The following SDHAF4 variants were observed in gnomAD, a reference collection of about 807,000 sequenced individuals.
SDHAF4 encodes the protein succinate dehydrogenase assembly factor 4, mitochondrial.
In SDHAF4, 14 loss-of-function variants were observed where a neutral mutation model predicts 14.3. The observed-to-expected ratio is 0.98, with a 90% CI of 0.65 to 1.53. The LOEUF is 1.53. SDHAF4 is among the 40% of genes most tolerant of loss of function. SDHAF4 has a pLI of 0.00. For synonymous variants in SDHAF4, 63 were observed against 47.3 expected (o/e 1.33, Z -1.36); for missense variants, 141 against 129.3 (o/e 1.09, Z -0.44).
intron 2 of SDHAF4, among the ~76,000 whole-genome samples, chr6:70,580,915 C>G (rs887319055): frequency 6.6e-6 from 1 of 151,844 alleles, no homozygotes; most frequent in African/African-American, 2.4e-5. Flanking sequence ...GTTGTACAAC[C>G]TTGTGAATAT....
intron 2 of SDHAF4, among the ~76,000 whole-genome samples, chr6:70,580,176 C>T (rs953861534): frequency 4.6e-5 from 7 of 151,938 alleles, no homozygotes; most frequent in Admixed American, 6.6e-5. Flanking sequence ...GACATTTCTC[C>T]AGAGAAGGTA....
intron 1 of SDHAF4, among the ~76,000 whole-genome samples, chr6:70,578,357 G>A (rs1176025588): frequency 6.6e-6 from 1 of 152,058 alleles, no homozygotes; most frequent in African/African-American, 2.4e-5. Context: ...ATGTTTGTTG[G>A]CCGCTTATAT....
chr6:70,568,276 C>CAT lies in SDHAF4; in HGVS notation c.64+1283_64+1284dup, dbSNP rs977705436. Among the ~76,000 whole-genome samples the CAT allele has an allele frequency of 9.6e-4, 146 of 151,596 alleles. 2 individuals carry two copies. Among genetic ancestry groups the CAT allele is most frequent in the East Asian group, 3.9e-4 (2 of 5,160 alleles). On this transcript the variant is annotated intron_variant, in intron 1 of 2. Transcript: ENST00000370474. The stretch of plus-strand genomic sequence containing the variant: ...AGTTTTAAACAATTATGAATTATTC[C>CAT]ATATATATATATGTATACACACACA...
the SDHAF4 span, among the ~76,000 whole-genome samples, chr6:70,595,698 C>CAAAT: frequency 1.3e-5 from 2 of 151,850 alleles, no homozygotes; most frequent in Admixed American, 1.3e-4. Context: ...TAGCTGGGCG[C>CAAAT]GGTGGCGCAC....
Position 70,568,081 on chromosome 6 carries a change from T to G in SDHAF4, c.64+1077T>G, listed in dbSNP as rs113253840. 4.3e-3 allele frequency among the ~76,000 whole-genome samples: 651 copies of G among 152,372 alleles called. 4 individuals carry two copies. The highest frequency in any genetic ancestry group is 0.015 in the African/African-American group (615 of 41,586). ...AATGGTGCCAGATTTCTATGCAATT[T>G]GTTTTCCTTTGTGCAATCATTTTAC... On this transcript the variant is annotated intron_variant, in intron 1 of 2. Transcript: ENST00000370474.
At chr6:70,594,929 T>G in the SDHAF4 span, among the ~76,000 whole-genome samples, 1 of 144,918 alleles carries the variant, frequency 6.9e-6, no homozygotes, top group African/African-American at 2.6e-5. Context: ...AAAAAAAAAA[T>G]CATTTTTTAA....
At chr6:70,580,150 G>T (rs1802303969) in intron 2 of SDHAF4, among the ~76,000 whole-genome samples, 1 of 151,956 alleles carries the variant, frequency 6.6e-6, no homozygotes, top group Non-Finnish European at 1.5e-5. Flanking sequence ...ATAAAAAATA[G>T]CAAAGTATTT....
At chr6:70,567,148 C>T (rs1802108293) in intron 1 of SDHAF4, 144 bp downstream of exon 1, 6 of 814,296 alleles carry the variant, frequency 7.4e-6, no homozygotes, top group Non-Finnish European at 1.1e-5. Context: ...CGCCCAGCCG[C>T]CCACCCGGTG....
At chr6:70,570,225 T>G (rs1057364718) in intron 1 of SDHAF4, among the ~76,000 whole-genome samples, 2 of 152,160 alleles carry the variant, frequency 1.3e-5, no homozygotes, top group African/African-American at 4.8e-5. Flanking sequence ...TGTATCTAAA[T>G]TACCTTATTA....
intron 1 of SDHAF4, among the ~76,000 whole-genome samples, chr6:70,571,578 G>A (rs967060863): frequency 3.3e-5 from 5 of 152,162 alleles, no homozygotes; most frequent in African/African-American, 1.2e-4. Context: ...CTCCCAAAGT[G>A]CTGGCATTAC....
chr6:70,571,517 A>G (rs916222716), intron 1 of SDHAF4, among the ~76,000 whole-genome samples: 1 of 152,066 alleles, frequency 6.6e-6, no homozygotes, highest in South Asian at 2.1e-4. Context: ...GTTTCACCAT[A>G]TTGGCCAGGC....
chr6:70,575,839 C>T (rs1196830851), intron 1 of SDHAF4, among the ~76,000 whole-genome samples: 1 of 152,112 alleles, frequency 6.6e-6, no homozygotes, highest in Non-Finnish European at 1.5e-5. Context: ...TAAAGTCAAA[C>T]CACCCCTTGA....
chr6:70,588,768 A>G lies in SDHAF4; in HGVS notation c.*44A>G, dbSNP rs1562059636. Reference sequence around the variant, plus strand: ...TCAATATTGTTTTCTGAATATGTACATCTGAATTAACTTATTTCTGATTAT... The same window carrying G: ...TCAATATTGTTTTCTGAATATGTACGTCTGAATTAACTTATTTCTGATTAT... On this transcript the variant is annotated 3_prime_UTR_variant, in exon 3 of 3. Coordinates refer to ENST00000370474, the MANE Select transcript of SDHAF4 (RefSeq NM_145267.3). The G allele has an allele frequency of 9.2e-7, 1 of 1,091,278 alleles. No homozygotes were observed. Among genetic ancestry groups the G allele is most frequent in the Non-Finnish European group, 1.4e-6 (1 of 726,938 alleles). The allele number at this position is 1,091,278 out of a possible 1,614,324, so 67.6% of individuals were successfully genotyped here.
intron 1 of SDHAF4, among the ~76,000 whole-genome samples, chr6:70,574,329 GAAA>G (rs113017217): frequency 7.0e-6 from 1 of 143,692 alleles, no homozygotes; most frequent in African/African-American, 2.5e-5. Context: ...CAAAAAAAAA[GAAA>G]AAAAAAAAAG....
intron 2 of SDHAF4, among the ~76,000 whole-genome samples, chr6:70,587,781 G>T (rs540631068): frequency 2.0e-5 from 3 of 152,190 alleles, no homozygotes; most frequent in Non-Finnish European, 4.4e-5. Flanking sequence ...GCTGAGAATT[G>T]AGCCTGGCTT....
chr6:70,569,241 G>A (rs2128533299), intron 1 of SDHAF4, among the ~76,000 whole-genome samples: 1 of 151,900 alleles, frequency 6.6e-6, no homozygotes, highest in Admixed American at 6.6e-5. Flanking sequence ...TGGGATTACA[G>A]GCGTGAGCCA....
At chr6:70,575,696 G>A (rs1453086271) in intron 1 of SDHAF4, among the ~76,000 whole-genome samples, 3 of 148,510 alleles carry the variant, frequency 2.0e-5, no homozygotes, top group Admixed American at 1.3e-4. Flanking sequence ...TGAGTTGTGT[G>A]TTGTTTTTGT....
intron 1 of SDHAF4, among the ~76,000 whole-genome samples, chr6:70,573,320 G>T (rs186739752): frequency 1.4e-3 from 197 of 138,084 alleles, no homozygotes; most frequent in African/African-American, 5.4e-3. Context: ...CTGGAGTGCA[G>T]TGGCACAGTC....
chr6:70,591,520 G>A (rs930838738), downstream of SDHAF4, among the ~76,000 whole-genome samples: 3 of 151,792 alleles, frequency 2.0e-5, no homozygotes, highest in East Asian at 1.9e-4. Context: ...TTGTAGAGAC[G>A]GGGTTTCATC....
Sources: gnomAD v4.1 joint callset for allele counts (sites outside exome capture counted in the v4.1 genomes callset) on GRCh38, gnomAD v4.1.1 for gene constraint, MANE v1.5 for transcripts, NCBI Gene and HGNC (gene_info 2026-07-23, HGNC 2026-07-21) for gene names.